Variants in EYS observed in about 807,000 individuals in gnomAD.
The protein encoded by EYS is EGF-like photoreceptor maintenance factor.
In EYS, 250 loss-of-function variants were observed where a neutral mutation model predicts 282.1. The observed-to-expected ratio is 0.89, with a 90% CI of 0.80 to 0.98. The LOEUF (loss-of-function observed/expected upper bound fraction) is 0.98, where lower values mean the gene tolerates loss of function less well. Ranked by LOEUF, EYS falls within the 50% of genes least tolerant of loss-of-function variation. EYS has a pLI of 0.00. For missense variants in EYS, 4,016 were observed against 3,709.0 expected (o/e 1.08, Z -2.15); for synonymous variants, 1,355 against 1,282.9 (o/e 1.06, Z -1.20).
In EYS at chr6:65,362,052, A is replaced by G. The variant is rs1764730642; in HGVS notation, c.1300-8435T>C. Among the ~76,000 whole-genome samples, 2 of 80,912 alleles carry G rather than the reference A, an allele frequency of 2.5e-5. 1 individual carries two copies. The highest frequency in any genetic ancestry group is 5.6e-5 in the Non-Finnish European group (2 of 35,958). 53.1% of individuals were successfully genotyped at this position (80,912 alleles called of 152,430 possible). On this transcript the variant is annotated intron_variant, in intron 8 of 42. Transcript: ENST00000503581. ...TGGCCAGAGAACCTGTTCTTCCCAT[A>G]TTTTCATTTATTTCCTTTTAAAGAT...
At chr6:64,579,582 C>A (rs1765995504) in intron 26 of EYS, among the ~76,000 whole-genome samples, 1 of 152,076 alleles carries the variant, frequency 6.6e-6, no homozygotes, top group Non-Finnish European at 1.5e-5. Context: ...TGTGTTGTTT[C>A]TTGGTCAAAC....
chr6:64,318,132 C>T (rs908437186), intron 29 of EYS, among the ~76,000 whole-genome samples: 1 of 151,964 alleles, frequency 6.6e-6, no homozygotes, highest in East Asian at 1.9e-4. Context: ...ACCTATGTAA[C>T]AAATCTGCTT....
chr6:65,487,935 C>A (rs1253699361), intron 5 of EYS, among the ~76,000 whole-genome samples: 2 of 152,024 alleles, frequency 1.3e-5, no homozygotes, highest in Non-Finnish European at 2.9e-5. Flanking sequence ...TTATCCATTT[C>A]TTCTATATTT....
intron 31 of EYS, among the ~76,000 whole-genome samples, chr6:64,155,344 A>AT (rs5876880): frequency 0.083 from 12,140 of 146,556 alleles, 1,410 homozygotes; most frequent in African/African-American, 0.26. Context: ...GCAGCACATA[A>AT]TTTTTTTTTT....
rs187891419 is a variant in EYS, at chr6:63,806,576, C to T, written c.7229-204G>A. Among the ~76,000 whole-genome samples the T allele has an allele frequency of 1.7e-3, 260 of 152,276 alleles. 2 individuals are homozygous for T. The highest frequency in any genetic ancestry group is 4.3e-4 in the Non-Finnish European group (29 of 68,026). The stretch of plus-strand genomic sequence containing the variant: ...CAAAGGAAATGCAGTGTTTTGAGAT[C>T]TTCTATATAATCCTTTCACTAGCAT... On this transcript the variant is annotated intron_variant, in intron 36 of 42. Transcript: ENST00000503581.
intron 19 of EYS, among the ~76,000 whole-genome samples, chr6:64,840,441 C>G (rs1765528912): frequency 6.6e-6 from 1 of 152,118 alleles, no homozygotes; most frequent in Non-Finnish European, 1.5e-5. Context: ...TTCTTCTTCT[C>G]TACATTTGAA....
chr6:64,514,767 G>C lies in EYS; in HGVS notation c.5645-75415C>G, dbSNP rs917990328. On this transcript the variant is annotated intron_variant, in intron 26 of 42. Coordinates refer to ENST00000503581, the MANE Select transcript of EYS (RefSeq NM_001142800.2). The stretch of plus-strand genomic sequence containing the variant: ...TAATATAGCATCATAATTGTCAAAG[G>C]AAGGGCTACAGAGAGAGGAGAATTT... Among the ~76,000 whole-genome samples the C allele has an allele frequency of 2.8e-4, 42 of 151,790 alleles. 1 individual carries two copies. Among genetic ancestry groups the C allele is most frequent in the Non-Finnish European group, 2.9e-5 (2 of 67,850 alleles).
chr6:63,880,826 A>G (rs1428628794), intron 35 of EYS, among the ~76,000 whole-genome samples: 3 of 152,210 alleles, frequency 2.0e-5, no homozygotes, highest in African/African-American at 7.2e-5. Context: ...TTTGCACTGG[A>G]AAAGACTAAA....
At chr6:64,901,618 C>CTAG (rs1767666561) in intron 18 of EYS, among the ~76,000 whole-genome samples, 1 of 151,960 alleles carries the variant, frequency 6.6e-6, no homozygotes, top group Non-Finnish European at 1.5e-5. Context: ...CTCGGACATA[C>CTAG]TAGTACTTGT....
intron 35 of EYS, among the ~76,000 whole-genome samples, chr6:63,880,487 G>C (rs383786): frequency 0.26 from 36,592 of 142,522 alleles, 4,891 homozygotes; most frequent in Admixed American, 0.3. Flanking sequence ...CTGTCTGTCT[G>C]TATCTATCTA....
intron 31 of EYS, among the ~76,000 whole-genome samples, chr6:64,107,677 T>A (rs1463755361): frequency 6.6e-6 from 1 of 152,056 alleles, no homozygotes; most frequent in African/African-American, 2.4e-5. Context: ...AAGTTGACAC[T>A]CAGTATTAAC....
At chr6:65,507,028 T>C (rs1766685917) in intron 2 of EYS, among the ~76,000 whole-genome samples, 1 of 152,154 alleles carries the variant, frequency 6.6e-6, no homozygotes, top group African/African-American at 2.4e-5. Flanking sequence ...TTATTCCTTC[T>C]CTGTCTTCCT....
chr6:65,063,822 T>C (rs1367000451), intron 12 of EYS, among the ~76,000 whole-genome samples: 1 of 151,978 alleles, frequency 6.6e-6, no homozygotes, highest in African/African-American at 2.4e-5. Context: ...ACAGTACAGC[T>C]AAACTTTCAA....
intron 22 of EYS, among the ~76,000 whole-genome samples, chr6:64,651,016 A>G (rs1330347227): frequency 1.3e-5 from 2 of 152,122 alleles, no homozygotes; most frequent in African/African-American, 4.8e-5. Context: ...TGATTTACCT[A>G]TATTATGAAA....
intron 36 of EYS, among the ~76,000 whole-genome samples, chr6:63,829,877 G>GATC (rs1270628511): frequency 6.6e-6 from 1 of 152,202 alleles, no homozygotes; most frequent in Non-Finnish European, 1.5e-5. Flanking sequence ...CCAGAGGAAG[G>GATC]ATCAGGCAGC....
At chr6:65,634,147 G>A (rs1286993626) in intron 2 of EYS, among the ~76,000 whole-genome samples, 1 of 152,088 alleles carries the variant, frequency 6.6e-6, no homozygotes, top group Non-Finnish European at 1.5e-5. Flanking sequence ...AACAACACCT[G>A]GGATTGCAGT....
Position 64,603,081 on chromosome 6 carries a change from A to G in EYS, c.3685-9772T>C, listed in dbSNP as rs1021031063. 4.6e-5 allele frequency among the ~76,000 whole-genome samples: 7 copies of G among 152,014 alleles called. No homozygotes were observed. In the East Asian group the frequency reaches 1.2e-3, roughly 25 times the overall value. ...TAGAATATGTAATATCATGGATGCT[A>G]ATCTTCCACAAGATAGTGCCTCCAG... On this transcript the variant is annotated intron_variant, in intron 24 of 42. Transcript: ENST00000503581.
In EYS at chr6:64,600,574, C is replaced by T. The variant is rs1284520394; in HGVS notation, c.3685-7265G>A. Among the ~76,000 whole-genome samples the T allele has an allele frequency of 3.9e-5, 6 of 152,198 alleles. No homozygotes were observed. The East Asian group carries it at 1.2e-3, about 29-fold the overall frequency. ...TTAAAAAGATTTTTCCACACAAAATCAGTATGTAGGGTTCATGATAATAAT... is the reference window on the plus strand; with the variant it reads ...TTAAAAAGATTTTTCCACACAAAATTAGTATGTAGGGTTCATGATAATAAT... On this transcript the variant is annotated intron_variant, in intron 24 of 42. Coordinates refer to ENST00000503581, the MANE Select transcript of EYS (RefSeq NM_001142800.2).
chr6:64,370,824 G>A (rs1451819592), intron 29 of EYS, among the ~76,000 whole-genome samples: 2 of 151,878 alleles, frequency 1.3e-5, no homozygotes, highest in African/African-American at 4.8e-5. Context: ...GTTCATAATA[G>A]TCTCTGACAG....
Sources: allele counts gnomAD v4.1 joint callset (sites outside exome capture counted in the v4.1 genomes callset), GRCh38; gene constraint gnomAD v4.1.1; transcripts MANE v1.5; gene names NCBI Gene and HGNC (gene_info 2026-07-23, HGNC 2026-07-21).